The following SYNE1 variants were observed in gnomAD, a reference collection of about 807,000 sequenced individuals.
SYNE1 encodes nesprin-1.
Under a neutral mutation model 1,111.0 loss-of-function variants are expected in SYNE1, and 616 were observed. That is an observed-to-expected ratio of 0.55 (90% CI 0.52 to 0.59). The LOEUF (loss-of-function observed/expected upper bound fraction) is 0.59, where lower values mean the gene tolerates loss of function less well. Among genes scored for constraint, SYNE1 ranks in the 20% least tolerant of loss-of-function variants. The pLI is 0.00. For synonymous variants in SYNE1, 3,855 were observed against 3,825.8 expected (o/e 1.01, Z -0.28); for missense variants, 10,006 against 10,417.0 (o/e 0.96, Z 1.72).
rs772057505 is a variant in SYNE1 at position 152,143,728 on chromosome 6, C to T, written c.25014G>A (p.Leu8338=). 1 of 1,614,200 alleles carries T rather than the reference C, an allele frequency of 6.2e-7. No homozygotes were observed. ...HSALESQIRQ[L]GKALDDSRFQ... ...AACGGCTATCATCCAGGGCTTTGCC[C>T]AGTTGTCGGATCTGTGACTCTAGGG... The change falls in exon 138 of 146, where the codon CTG becomes CTA. Residue 8338 remains leucine, a synonymous_variant. Transcript: ENST00000367255.
chr6:152,312,931 G>A (rs970145075), intron 87 of SYNE1, among the ~76,000 whole-genome samples: 1 of 151,998 alleles, frequency 6.6e-6, no homozygotes, highest in African/African-American at 2.4e-5. Context: ...AATAATGTGG[G>A]GCAAATCCAG....
At chr6:152,498,068 A>G (rs900784548) in intron 11 of SYNE1, among the ~76,000 whole-genome samples, 1 of 152,192 alleles carries the variant, frequency 6.6e-6, no homozygotes. Context: ...TTACTATCTG[A>G]TATGAAATTA....
chr6:152,193,926 T>C (rs995615689), intron 127 of SYNE1, among the ~76,000 whole-genome samples: 1 of 148,384 alleles, frequency 6.7e-6, no homozygotes, highest in African/African-American at 2.5e-5. Context: ...GGCAGGAGAA[T>C]GGCATGAACC....
At chr6:152,394,239 G>A (rs1297130465) in intron 51 of SYNE1, among the ~76,000 whole-genome samples, 10 of 152,162 alleles carry the variant, frequency 6.6e-5, no homozygotes, top group Non-Finnish European at 1.0e-4. Context: ...ATGGGCATTT[G>A]GGTTGGTTCC....
At position 152,471,612 on chromosome 6, in the gene SYNE1, AAGC is replaced by A. The variant is rs1482557852; in HGVS notation, c.1614_1616del (p.Gln538_Leu539delinsHis). On this transcript the variant is annotated inframe_deletion, in exon 16 of 146. Coordinates refer to ENST00000367255, the MANE Select transcript of SYNE1 (RefSeq NM_182961.4). ...GGGGACTCACCACGTAGTTTTGTAG[AAGC>A]TGCTCCACTGACTCTCTCCTCCCGT... 1 of 1,613,932 alleles carries A rather than the reference AAGC, an allele frequency of 6.2e-7. No individual in the cohort carries two copies. The highest frequency in any genetic ancestry group is 8.5e-7 in the Non-Finnish European group (1 of 1,179,854).
At chr6:152,421,254 A>T (rs1458336555) in intron 39 of SYNE1, among the ~76,000 whole-genome samples, 1 of 152,206 alleles carries the variant, frequency 6.6e-6, no homozygotes, top group Non-Finnish European at 1.5e-5. Flanking sequence ...ATTCATACAG[A>T]TTATCTGCAG....
intron 98 of SYNE1, chr6:152,277,532 CT>C (rs2093732565): frequency 6.3e-6 from 1 of 158,344 alleles, no homozygotes; most frequent in Non-Finnish European, 1.4e-5. Flanking sequence ...AAGTGATCTG[CT>C]TGTCTCGGCC....
At chr6:152,142,074 C>T (rs2058653273) in intron 138 of SYNE1, among the ~76,000 whole-genome samples, 1 of 150,948 alleles carries the variant, frequency 6.6e-6, no homozygotes, top group Non-Finnish European at 1.5e-5. Flanking sequence ...GACCCTGTCT[C>T]TTAAAAAAAA....
chr6:152,331,247 C>T lies in SYNE1; in HGVS notation c.13438G>A (p.Glu4480Lys). The part of the protein sequence containing the change: ...QQHERKIMFR[E>K]HICLLPDDVS... Reference sequence around the variant, plus strand: ...TCATCTGGTAACAGACAGATGTGTTCACGGAACATTATCTTTCGCTCATGT... The same window carrying T: ...TCATCTGGTAACAGACAGATGTGTTTACGGAACATTATCTTTCGCTCATGT... Residue 4480 changes from glutamate to lysine, a missense_variant, in exon 78 of 146, where the codon GAA becomes AAA. Glu to Lys is a moderately conservative substitution (Grantham distance 56, BLOSUM62 1). Transcript: ENST00000367255. 6.2e-7 allele frequency: 1 copy of T among 1,614,078 alleles called. No homozygotes were observed. Among genetic ancestry groups the T allele is most frequent in the Non-Finnish European group, 8.5e-7 (1 of 1,180,036 alleles).
At position 152,369,265 on chromosome 6, in the gene SYNE1, C is replaced by T; in HGVS notation, c.9652-138G>A. ...GAGGCTTTATTATCTCCAATCTACACACCGTGGAGCACAAATCATGGAAGG... is the reference window on the plus strand; with the variant it reads ...GAGGCTTTATTATCTCCAATCTACATACCGTGGAGCACAAATCATGGAAGG... On this transcript the variant is annotated intron_variant, in intron 60 of 145. Coordinates refer to ENST00000367255, the MANE Select transcript of SYNE1 (RefSeq NM_182961.4). 5 of 1,332,750 alleles carry T rather than the reference C, an allele frequency of 3.8e-6. No homozygotes were observed. In the South Asian group the frequency reaches 3.8e-5, roughly 10 times the overall value. 82.6% of individuals were successfully genotyped at this position (1,332,750 alleles called of 1,614,324 possible).
rs563815954 is a variant in SYNE1, at chr6:152,360,237, G to A, written c.10300-779C>T. ...GCATGGCAATGGAGGATCAGGCTCT[G>A]TCTCTCCATCAAACTCCCCTTGCAG... On this transcript the variant is annotated intron_variant, in intron 64 of 145. Transcript: ENST00000367255. 3.3e-5 allele frequency among the ~76,000 whole-genome samples: 5 copies of A among 152,240 alleles called. No individual in the cohort carries two copies. The East Asian group carries it at 7.7e-4, about 23-fold the overall frequency.
intron 127 of SYNE1, among the ~76,000 whole-genome samples, chr6:152,195,046 G>A (rs1038055381): frequency 6.6e-6 from 1 of 152,064 alleles, no homozygotes; most frequent in Non-Finnish European, 1.5e-5. Context: ...TCAGCCTCCT[G>A]AGCAGCTTGG....
In SYNE1 at chr6:152,122,588, C is replaced by G. The variant is rs1474908833; in HGVS notation, c.26242G>C (p.Ala8748Pro). 1 of 1,614,102 alleles carries G rather than the reference C, an allele frequency of 6.2e-7. No individual in the cohort carries two copies. Among genetic ancestry groups the G allele is most frequent in the Non-Finnish European group, 8.5e-7 (1 of 1,180,052 alleles). Residue 8748 changes from alanine to proline, a missense_variant, in exon 146 of 146, where the codon GCT becomes CCT. Ala to Pro is a conservative substitution (Grantham distance 27, BLOSUM62 -1). This residue lies in a region of SYNE1 where 761 missense variants were observed against 795.5 expected (regional missense o/e 0.96). Transcript: ENST00000367255. Reference sequence around the variant, plus strand: ...AGCAGGAGAAGCTGAAGGGGAAGAGCTGCTCGGAGGACTCTGAACAGGAAG... The same window carrying G: ...AGCAGGAGAAGCTGAAGGGGAAGAGGTGCTCGGAGGACTCTGAACAGGAAG... ...RGFLFRVLRA[A>P]LPLQLLLLLL...
intron 3 of SYNE1, among the ~76,000 whole-genome samples, chr6:152,602,408 A>G (rs2099598377): frequency 6.6e-6 from 1 of 152,086 alleles, no homozygotes; most frequent in Admixed American, 6.6e-5. Flanking sequence ...TTCCCTCCCA[A>G]CCCTCAGAAG....
intron 94 of SYNE1, 83 bp from the exon 95 acceptor site, chr6:152,293,832 C>T (rs1200377293): frequency 2.5e-6 from 4 of 1,610,592 alleles, no homozygotes; most frequent in African/African-American, 1.3e-5. Context: ...AGTGCTTTAC[C>T]TCTGTGGCCC....
At chr6:152,145,725 T>A in intron 137 of SYNE1, 1 of 656,400 alleles carries the variant, frequency 1.5e-6, no homozygotes, top group Non-Finnish European at 2.8e-6. Flanking sequence ...CTGAAATGAA[T>A]CATAAGAATT....
At chr6:152,409,351 A>G in intron 43 of SYNE1, 125 bp from the exon 44 acceptor site, 3 of 1,070,162 alleles carry the variant, frequency 2.8e-6, no homozygotes, top group Non-Finnish European at 4.1e-6. Flanking sequence ...AGTGAGATTA[A>G]TTAACTATAT....
At position 152,239,568 on chromosome 6, in the gene SYNE1, G is replaced by A. The variant is rs1562423517; in HGVS notation, c.20032C>T (p.His6678Tyr). 1 of 1,614,174 alleles carries A rather than the reference G, an allele frequency of 6.2e-7. No individual in the cohort carries two copies. The highest frequency in any genetic ancestry group is 8.5e-7 in the Non-Finnish European group (1 of 1,180,028). The change falls in exon 108 of 146, where the codon CAC (histidine) becomes TAC (tyrosine). Residue 6678 changes from histidine to tyrosine, a missense_variant. By Grantham distance (83) the His-to-Tyr change is moderately conservative. Coordinates refer to ENST00000367255, the MANE Select transcript of SYNE1 (RefSeq NM_182961.4). Reference protein sequence around the residue: ...AQASAVLKRAHKRGVELEYIL... With the variant: ...AQASAVLKRAYKRGVELEYIL... ...TACTCCAGCTCCACACCCCTCTTGT[G>A]AGCCCGTTTCAGTACAGCAGAAGCC...
Position 152,345,043 on chromosome 6 carries a change from C to T in SYNE1, c.12079-816G>A, listed in dbSNP as rs12524936. 2.5e-3 allele frequency among the ~76,000 whole-genome samples: 381 copies of T among 152,246 alleles called. 2 individuals carry two copies. Among genetic ancestry groups the T allele is most frequent in the African/African-American group, 7.1e-3 (296 of 41,554 alleles). The stretch of plus-strand genomic sequence containing the variant: ...TTTCTCTGTCATCTTTTAAATTCAT[C>T]ACTTTCGTCTGACATTGGGTTTATC... On this transcript the variant is annotated intron_variant, in intron 73 of 145. Coordinates refer to ENST00000367255, the MANE Select transcript of SYNE1 (RefSeq NM_182961.4).
Sources: gnomAD v4.1 joint callset for allele counts (sites outside exome capture counted in the v4.1 genomes callset) on GRCh38, gnomAD v4.1.1 for gene constraint, gnomAD v4.1.1 regional missense constraint, MANE v1.5 for transcripts, NCBI Gene and HGNC (gene_info 2026-07-23, HGNC 2026-07-21) for gene names.